The following WBP2NL variants were observed in gnomAD, a reference collection of about 807,000 sequenced individuals.
WBP2NL encodes postacrosomal sheath WW domain-binding protein.
A neutral mutation model predicts 23.3 loss-of-function variants in WBP2NL; 27 were observed. That is an observed-to-expected ratio of 1.16 (90% CI 0.85 to 1.60). The LOEUF (loss-of-function observed/expected upper bound fraction) is 1.60. WBP2NL is among the 40% of genes most tolerant of loss of function. WBP2NL has a pLI of 0.00. For missense variants in WBP2NL, 370 were observed against 389.5 expected, an observed-to-expected ratio of 0.95 and a Z score of 0.42; for synonymous variants, 151 against 145.9, an observed-to-expected ratio of 1.03 and a Z score of -0.25.
chr22:42,034,477 CAG>C (rs576395640), downstream of WBP2NL, among the ~76,000 whole-genome samples: 1 of 152,162 alleles, frequency 6.6e-6, no homozygotes, highest in Non-Finnish European at 1.5e-5. Context: ...AAGTACTTAA[CAG>C]GGTAATAGAA....
chr22:42,034,740 C>G (rs1925117454), downstream of WBP2NL, among the ~76,000 whole-genome samples: 1 of 152,186 alleles, frequency 6.6e-6, no homozygotes, highest in African/African-American at 2.4e-5. Flanking sequence ...AGACCTACCC[C>G]TAGGTGCGCA....
downstream of WBP2NL, among the ~76,000 whole-genome samples, chr22:42,034,709 G>GC (rs1192858700): frequency 2.6e-5 from 4 of 152,146 alleles, no homozygotes; most frequent in African/African-American, 9.7e-5. Flanking sequence ...AGACAGGTAC[G>GC]CCCCGGGGGG....
chr22:42,040,362 A>C (rs1225894778), intron 8 of WBP2NL, among the ~76,000 whole-genome samples: 10 of 151,976 alleles, frequency 6.6e-5, no homozygotes, highest in Non-Finnish European at 1.5e-5. Context: ...AGCTGGGATT[A>C]TAGTTGCCTG....
At chr22:42,057,514 A>G (rs1926086481) in intron 8 of WBP2NL, among the ~76,000 whole-genome samples, 2 of 151,604 alleles carry the variant, frequency 1.3e-5, no homozygotes, top group African/African-American at 4.8e-5. Flanking sequence ...TAATAAGGTA[A>G]AATACCACAT....
At chr22:42,014,842 C>G (rs1923161919) in intron 1 of WBP2NL, among the ~76,000 whole-genome samples, 1 of 152,302 alleles carries the variant, frequency 6.6e-6, no homozygotes, top group African/African-American at 2.4e-5. Context: ...TTGATATTCT[C>G]TACTTCCTGA....
chr22:42,050,420 C>T (rs1270944149), intron 8 of WBP2NL, among the ~76,000 whole-genome samples: 3 of 151,944 alleles, frequency 2.0e-5, no homozygotes, highest in Admixed American at 6.6e-5. Context: ...CCGAGGCAGG[C>T]GGATCACCTG....
intron 1 of WBP2NL, among the ~76,000 whole-genome samples, chr22:42,000,249 C>T (rs1921493825): frequency 6.6e-6 from 1 of 152,098 alleles, no homozygotes; most frequent in African/African-American, 2.4e-5. Flanking sequence ...GTTTTCTTGA[C>T]AGATTTATAT....
At chr22:42,021,439 A>T (rs1199053786) in intron 4 of WBP2NL, among the ~76,000 whole-genome samples, 2 of 152,184 alleles carry the variant, frequency 1.3e-5, no homozygotes, top group African/African-American at 4.8e-5. Flanking sequence ...CTGTTACGTT[A>T]TTTGTAAAAA....
intron 8 of WBP2NL, among the ~76,000 whole-genome samples, chr22:42,039,432 A>G (rs187191402): frequency 2.0e-3 from 309 of 151,056 alleles, no homozygotes; most frequent in African/African-American, 6.6e-3. Context: ...AGCCCAAGCA[A>G]TCCTCCTGGC....
At chr22:42,053,906 A>ATCTTTTTC (rs1925932657) in intron 8 of WBP2NL, among the ~76,000 whole-genome samples, 1 of 152,132 alleles carries the variant, frequency 6.6e-6, no homozygotes, top group South Asian at 2.1e-4. Flanking sequence ...GTTGGAGTAT[A>ATCTTTTTC]TGATTTACAA....
intron 8 of WBP2NL, among the ~76,000 whole-genome samples, chr22:42,040,248 A>C (rs926842770): frequency 7.2e-6 from 1 of 139,468 alleles, no homozygotes; most frequent in Admixed American, 7.3e-5. Context: ...TTTTAGACAG[A>C]GTCTTGCTCT....
At chr22:42,013,882 G>A (rs9623496) in intron 1 of WBP2NL, among the ~76,000 whole-genome samples, 18 of 152,000 alleles carry the variant, frequency 1.2e-4, no homozygotes, top group Admixed American at 8.5e-4. Flanking sequence ...CTGGGTTCAC[G>A]CAATTCTCCG....
At chr22:42,015,819 G>A (rs540401965) in intron 1 of WBP2NL, among the ~76,000 whole-genome samples, 3 of 152,164 alleles carry the variant, frequency 2.0e-5, no homozygotes, top group Non-Finnish European at 4.4e-5. Flanking sequence ...ACATGTATGT[G>A]TATGGCTTTC....
intron 4 of WBP2NL, 75 bp from the exon 5 acceptor site, chr22:42,022,174 A>T: frequency 8.6e-7 from 1 of 1,168,714 alleles, no homozygotes; most frequent in Non-Finnish European, 1.3e-6. Flanking sequence ...ATACTCTGTT[A>T]ATTGTTTAGT....
chr22:42,036,464 G>A (rs1925186426), downstream of WBP2NL, among the ~76,000 whole-genome samples: 2 of 152,284 alleles, frequency 1.3e-5, no homozygotes, highest in South Asian at 2.1e-4. Flanking sequence ...GTGAGCCACC[G>A]TGCCCGGCCA....
At position 42,027,073 on chromosome 22, in the gene WBP2NL, A is replaced by C. The variant is rs749947046; in HGVS notation, c.822A>C (p.Arg274Ser). 1 of 1,614,156 alleles carries C rather than the reference A, an allele frequency of 6.2e-7. No homozygotes were observed. Among genetic ancestry groups the C allele is most frequent in the Non-Finnish European group, 8.5e-7 (1 of 1,179,954 alleles). ...AGNEGPPAGY[R>S]ASPAGSGARP... Reference sequence around the variant, plus strand: ...ATGAAGGCCCGCCTGCGGGATACAGAGCCTCACCTGCTGGATCAGGAGCCA... The same window carrying C: ...ATGAAGGCCCGCCTGCGGGATACAGCGCCTCACCTGCTGGATCAGGAGCCA... The change falls in exon 6 of 6, where the codon AGA becomes AGC. Residue 274 changes from arginine to serine, a missense_variant. Physicochemically the swap from Arg to Ser is moderately radical, Grantham distance 110 (BLOSUM62 -1). Transcript: ENST00000328823.
At chr22:42,011,584 T>C (rs185533321) in intron 1 of WBP2NL, among the ~76,000 whole-genome samples, 1 of 152,172 alleles carries the variant, frequency 6.6e-6, no homozygotes, top group African/African-American at 2.4e-5. Context: ...TCAATTTCCT[T>C]ACTAGTTAAT....
intron 5 of WBP2NL, among the ~76,000 whole-genome samples, chr22:42,023,302 A>C (rs1226862822): frequency 6.6e-6 from 1 of 150,942 alleles, no homozygotes; most frequent in Non-Finnish European, 1.5e-5. Flanking sequence ...CTCTTACCTC[A>C]GTACCCCCCA....
chr22:42,011,378 C>T (rs1341952382), intron 1 of WBP2NL, among the ~76,000 whole-genome samples: 3 of 151,914 alleles, frequency 2.0e-5, no homozygotes, highest in Non-Finnish European at 2.9e-5. Flanking sequence ...CTCAGCCTCC[C>T]GAGTAGCTGG....
Sources: allele counts gnomAD v4.1 joint callset (sites outside exome capture counted in the v4.1 genomes callset), GRCh38; gene constraint gnomAD v4.1.1; transcripts MANE v1.5; gene names NCBI Gene and HGNC (gene_info 2026-07-23, HGNC 2026-07-21).